The following FBXW7 variants were observed in gnomAD, a reference collection of about 807,000 sequenced individuals.
The protein encoded by FBXW7 is F-box/WD repeat-containing protein 7.
In FBXW7, 11 loss-of-function variants were observed where a neutral mutation model predicts 86.3. The observed-to-expected ratio is 0.13, with a 90% CI of 0.08 to 0.21. The LOEUF (loss-of-function observed/expected upper bound fraction) is 0.21. Among genes scored for constraint, FBXW7 ranks in the 10% least tolerant of loss-of-function variants. The probability of loss-of-function intolerance (pLI) is 1.00; values close to 1 mark genes in which losing one functional copy is unlikely to be tolerated. For missense variants in FBXW7, 488 were observed against 847.4 expected (o/e 0.58, Z 5.27); for synonymous variants, 313 against 297.9 (o/e 1.05, Z -0.52).
At chr4:152,390,626 A>G (rs1031681586) in intron 4 of FBXW7, among the ~76,000 whole-genome samples, 2 of 152,134 alleles carry the variant, frequency 1.3e-5, no homozygotes, top group Admixed American at 1.3e-4. Context: ...TAAGTCTAAG[A>G]AAGACAATAA....
intron 2 of FBXW7, among the ~76,000 whole-genome samples, chr4:152,484,176 CTACT>C (rs1276764784): frequency 6.6e-6 from 1 of 152,030 alleles, no homozygotes; most frequent in Non-Finnish European, 1.5e-5. Flanking sequence ...AAATTTATTA[CTACT>C]TATTTTATGG....
In FBXW7 at chr4:152,443,572, G is replaced by A. The variant is rs547681728; in HGVS notation, c.-119-31043C>T. Reference sequence around the variant, plus strand: ...GCTACCCAACTGACTCCTGCATATAGTTGGCGGTCTTTTAAGAACCCAATT... The same window carrying A: ...GCTACCCAACTGACTCCTGCATATAATTGGCGGTCTTTTAAGAACCCAATT... On this transcript the variant is annotated intron_variant, in intron 2 of 13. Coordinates refer to ENST00000281708, the MANE Select transcript of FBXW7 (RefSeq NM_001349798.2). Among the ~76,000 whole-genome samples the A allele has an allele frequency of 7.2e-4, 109 of 152,102 alleles. 1 individual carries two copies. The highest frequency in any genetic ancestry group is 2.6e-3 in the African/African-American group (108 of 41,368).
intron 2 of FBXW7, among the ~76,000 whole-genome samples, chr4:152,455,935 T>C (rs558209533): frequency 2.0e-5 from 3 of 152,168 alleles, no homozygotes; most frequent in Non-Finnish European, 2.9e-5. Flanking sequence ...TATGCAAAGT[T>C]TGTGGAGCCA....
In FBXW7 at chr4:152,455,778, C is replaced by T. The variant is rs144146471; in HGVS notation, c.-119-43249G>A. Among the ~76,000 whole-genome samples the T allele has an allele frequency of 9.8e-5, 15 of 152,302 alleles. No homozygotes were observed. In the East Asian group the frequency reaches 2.9e-3, roughly 29 times the overall value. The stretch of plus-strand genomic sequence containing the variant: ...TGGCCCCTTCCCTTCATCTTCAAAG[C>T]ACATCATTCCAACCTCTGCTGCAGT... On this transcript the variant is annotated intron_variant, in intron 2 of 13. Transcript: ENST00000281708.
intron 2 of FBXW7, among the ~76,000 whole-genome samples, chr4:152,471,325 T>C (rs1229237609): frequency 1.4e-5 from 2 of 144,124 alleles, no homozygotes; most frequent in Non-Finnish European, 3.0e-5. Context: ...CTGAATTTCA[T>C]TACAAACAAA....
intron 2 of FBXW7, among the ~76,000 whole-genome samples, chr4:152,432,640 C>CA (rs1740014542): frequency 1.3e-5 from 2 of 151,884 alleles, no homozygotes; most frequent in African/African-American, 4.8e-5. Flanking sequence ...ACCCCCATCT[C>CA]TACTAAAAAC....
At chr4:152,515,953 G>A (rs1748450207) in intron 2 of FBXW7, among the ~76,000 whole-genome samples, 1 of 152,166 alleles carries the variant, frequency 6.6e-6, no homozygotes, top group Non-Finnish European at 1.5e-5. Flanking sequence ...GGGCCTCTAA[G>A]GAGCTCAAAG....
intron 4 of FBXW7, among the ~76,000 whole-genome samples, chr4:152,350,759 G>GAT (rs1304181296): frequency 6.6e-6 from 1 of 151,722 alleles, no homozygotes; most frequent in African/African-American, 2.4e-5. Context: ...GTTGTCAATT[G>GAT]ATATATATAC....
chr4:152,527,501 C>A (rs1206552180), intron 2 of FBXW7, among the ~76,000 whole-genome samples: 1 of 152,172 alleles, frequency 6.6e-6, no homozygotes, highest in Non-Finnish European at 1.5e-5. Context: ...GGCACTGTGG[C>A]CCCAGCCTGT....
intron 4 of FBXW7, among the ~76,000 whole-genome samples, chr4:152,404,299 A>T (rs1737214716): frequency 6.6e-6 from 1 of 152,222 alleles, no homozygotes; most frequent in African/African-American, 2.4e-5. Context: ...TTTCCAGCAG[A>T]GAGTTATTTT....
intron 4 of FBXW7, among the ~76,000 whole-genome samples, chr4:152,381,661 C>T (rs1467910057): frequency 6.6e-6 from 1 of 152,032 alleles, no homozygotes; most frequent in Non-Finnish European, 1.5e-5. Context: ...CATATCGTAA[C>T]TGCCACACAA....
chr4:152,372,355 C>T (rs1052502172), intron 4 of FBXW7, among the ~76,000 whole-genome samples: 13 of 151,894 alleles, frequency 8.6e-5, no homozygotes, highest in Non-Finnish European at 1.8e-4. Context: ...TAGTTCCATG[C>T]TCTTGGAGAC....
chr4:152,365,239 G>A (rs1420216158), intron 4 of FBXW7, among the ~76,000 whole-genome samples: 2 of 152,114 alleles, frequency 1.3e-5, no homozygotes, highest in Non-Finnish European at 2.9e-5. Context: ...TGAAGAAGTA[G>A]ACAAGGGATA....
chr4:152,504,295 A>G (rs1408931009), intron 2 of FBXW7, among the ~76,000 whole-genome samples: 2 of 152,192 alleles, frequency 1.3e-5, no homozygotes, highest in Non-Finnish European at 2.9e-5. Context: ...TCATAACACA[A>G]ACCAATAAAA....
At chr4:152,464,961 T>G (rs1413891409) in intron 2 of FBXW7, among the ~76,000 whole-genome samples, 1 of 152,202 alleles carries the variant, frequency 6.6e-6, no homozygotes, top group African/African-American at 2.4e-5. Flanking sequence ...ATTAGAATAA[T>G]CCAAGTCCAG....
At chr4:152,351,140 A>G (rs1052082746) in intron 4 of FBXW7, among the ~76,000 whole-genome samples, 1 of 152,102 alleles carries the variant, frequency 6.6e-6, no homozygotes, top group Admixed American at 6.6e-5. Flanking sequence ...CCTCATGTTT[A>G]TAAGTAGGTA....
intron 4 of FBXW7, among the ~76,000 whole-genome samples, chr4:152,395,081 CCT>C (rs1355857857): frequency 6.6e-6 from 1 of 151,844 alleles, no homozygotes; most frequent in Non-Finnish European, 1.5e-5. Context: ...TTTCTCTTCC[CCT>C]GAGGACTCAG....
At chr4:152,520,435 G>A (rs1294143355) in intron 2 of FBXW7, among the ~76,000 whole-genome samples, 20 of 135,212 alleles carry the variant, frequency 1.5e-4, no homozygotes, top group East Asian at 4.3e-4. Flanking sequence ...GCGAGACTCC[G>A]TCTCAAAAAA....
At chr4:152,369,314 A>G (rs1288740983) in intron 4 of FBXW7, among the ~76,000 whole-genome samples, 1 of 152,106 alleles carries the variant, frequency 6.6e-6, no homozygotes, top group Non-Finnish European at 1.5e-5. Context: ...AGTAAGTGGT[A>G]CAGCAAAGAA....
Sources: gnomAD v4.1 joint callset for allele counts (sites outside exome capture counted in the v4.1 genomes callset) on GRCh38, gnomAD v4.1.1 for gene constraint, MANE v1.5 for transcripts, NCBI Gene and HGNC (gene_info 2026-07-23, HGNC 2026-07-21) for gene names.